Variants in NDC1 observed in about 807,000 individuals in gnomAD.
NDC1 encodes the protein NDC1 transmembrane nucleoporin, also known as nucleoporin NDC1.
A neutral mutation model predicts 89.8 loss-of-function variants in NDC1; 24 were observed. The observed-to-expected ratio is 0.27, with a 90% CI of 0.19 to 0.38. NDC1 has a LOEUF of 0.38. Ranked by LOEUF, NDC1 falls within the 10% of genes least tolerant of loss-of-function variation. The probability of loss-of-function intolerance (pLI) is 1.00; values close to 1 mark genes in which losing one functional copy is unlikely to be tolerated. For missense variants in NDC1, 728 were observed against 797.6 expected, an observed-to-expected ratio of 0.91 and a Z score of 1.05; for synonymous variants, 296 against 284.8, an observed-to-expected ratio of 1.04 and a Z score of -0.39.
chr1:53,830,088 C>T (rs1057261185), intron 3 of NDC1, among the ~76,000 whole-genome samples: 2 of 151,504 alleles, frequency 1.3e-5, no homozygotes, highest in African/African-American at 4.9e-5. Flanking sequence ...GAGGCAGAGG[C>T]GTCAGCGAGC....
Position 53,772,417 on chromosome 1 carries a change from T to G in NDC1, c.1873A>C (p.Thr625Pro), listed in dbSNP as rs1331832371. The stretch of plus-strand genomic sequence containing the variant: ...GCAAATCTTAATGTTTTATATGAAG[T>G]GTCCACAAGGCTTCCTGAAATCCGG... ...PPRISGSLVD[T>P]SYKTLRFAFR... is the part of the protein sequence containing the mutation. Residue 625 changes from threonine (T) to proline (P), a missense_variant, in exon 17 of 18, where the codon ACT (threonine) becomes CCT (proline). Transcript: ENST00000371429. The G allele has an allele frequency of 6.2e-7, 1 of 1,613,804 alleles. No individual in the cohort carries two copies.
chr1:53,776,015 C>T, intron 16 of NDC1, among the ~76,000 whole-genome samples: 1 of 148,564 alleles, frequency 6.7e-6, no homozygotes, highest in Non-Finnish European at 1.5e-5. Flanking sequence ...AGTGCAGTGG[C>T]ACGATCTCAG....
chr1:53,785,494 G>A (rs2100635556), intron 16 of NDC1, among the ~76,000 whole-genome samples: 1 of 152,306 alleles, frequency 6.6e-6, no homozygotes, highest in South Asian at 2.1e-4. Flanking sequence ...AGAATCACTG[G>A]CTTTGATGGG....
At chr1:53,835,769 C>A in intron 1 of NDC1, 149 bp from the exon 2 acceptor site, 2 of 641,550 alleles carry the variant, frequency 3.1e-6, no homozygotes, top group East Asian at 2.8e-5. Flanking sequence ...CATTACGTAC[C>A]ACTAAAGAAT....
Position 53,787,174 on chromosome 1 carries a change from A to G in NDC1, c.1784T>C (p.Leu595Ser), listed in dbSNP as rs142123604. 8.7e-6 allele frequency: 14 copies of G among 1,603,726 alleles called. No individual in the cohort carries two copies. The African/African-American group carries it at 1.3e-4, about 15-fold the overall frequency. ...QTTLPAILNT[L>S]LTLQEAVDKY... ...ATTTCTTACCTCTTGCAGTGTCAACAAAGTATTAAGGATAGCTGGTAGTGT... is the reference window on the plus strand; with the variant it reads ...ATTTCTTACCTCTTGCAGTGTCAACGAAGTATTAAGGATAGCTGGTAGTGT... The change falls in exon 16 of 18, where the codon TTG becomes TCG. Residue 595 changes from leucine to serine, a missense_variant. Transcript: ENST00000371429.
intron 6 of NDC1, among the ~76,000 whole-genome samples, chr1:53,814,003 T>G (rs1648396593): frequency 6.6e-6 from 1 of 152,162 alleles, no homozygotes; most frequent in Non-Finnish European, 1.5e-5. Context: ...TACATGGCAA[T>G]TAAATAATCT....
At chr1:53,835,427 C>A in intron 2 of NDC1, 73 bp downstream of exon 2, 1 of 1,322,200 alleles carries the variant, frequency 7.6e-7, no homozygotes, top group Admixed American at 2.3e-5. Flanking sequence ...AAATAAACTG[C>A]TTGAAACATA....
chr1:53,802,700 C>A (rs1647963072), intron 10 of NDC1, among the ~76,000 whole-genome samples: 1 of 152,122 alleles, frequency 6.6e-6, no homozygotes, highest in Non-Finnish European at 1.5e-5. Context: ...AGAAAGGCTA[C>A]CCAGGTTCTC....
chr1:53,788,178 A>G (rs574301571), intron 15 of NDC1, among the ~76,000 whole-genome samples: 2 of 152,046 alleles, frequency 1.3e-5, no homozygotes, highest in Admixed American at 1.3e-4. Context: ...CCTGTAGTCC[A>G]AACTACTCAG....
At chr1:53,827,866 C>T in intron 4 of NDC1, 133 bp downstream of exon 4, 1 of 586,000 alleles carries the variant, frequency 1.7e-6, no homozygotes, top group Non-Finnish European at 2.7e-6. Context: ...ATATTAAAAA[C>T]ACTTGATATA....
At chr1:53,810,424 CAAA>C (rs112086501) in intron 6 of NDC1, among the ~76,000 whole-genome samples, 1 of 107,840 alleles carries the variant, frequency 9.3e-6, no homozygotes. Context: ...AAGAAACTGG[CAAA>C]AAAAAAAAAA....
chr1:53,794,469 T>C (rs1239105723), intron 13 of NDC1, among the ~76,000 whole-genome samples: 1 of 152,152 alleles, frequency 6.6e-6, no homozygotes, highest in Non-Finnish European at 1.5e-5. Flanking sequence ...ACTAATGGCA[T>C]ATAGAGCCGT....
In NDC1 at chr1:53,796,946, CTT is replaced by C. The variant is rs749371735; in HGVS notation, c.1419_1420del (p.Pro475SerfsTer15). ...TGGCCCCCTTCTTATTAGCTGAGGA[CTT>C]TGCGGTGACCCATAGCAGGTGTTTA... On this transcript the variant is annotated frameshift_variant, in exon 12 of 18. Transcript: ENST00000371429. LOFTEE classifies it high-confidence loss of function. The C allele has an allele frequency of 6.2e-7, 1 of 1,614,202 alleles. No homozygotes were observed. Among genetic ancestry groups the C allele is most frequent in the Non-Finnish European group, 8.5e-7 (1 of 1,180,034 alleles).
At chr1:53,793,178 T>C (rs1647578797) in intron 14 of NDC1, 51 bp downstream of exon 14, 1 of 1,414,358 alleles carries the variant, frequency 7.1e-7, no homozygotes, top group African/African-American at 1.4e-5. Flanking sequence ...CTTTATTTCA[T>C]ATTTCATTTC....
intron 16 of NDC1, among the ~76,000 whole-genome samples, chr1:53,778,414 T>C (rs1211910782): frequency 6.6e-6 from 1 of 152,186 alleles, no homozygotes; most frequent in Non-Finnish European, 1.5e-5. Context: ...TCCTTTACTA[T>C]AGTCATAAAA....
At chr1:53,783,744 G>C (rs974911704) in intron 16 of NDC1, among the ~76,000 whole-genome samples, 1 of 152,154 alleles carries the variant, frequency 6.6e-6, no homozygotes, top group African/African-American at 2.4e-5. Flanking sequence ...GCTCTCTCTT[G>C]TTCAGGTGAT....
intron 5 of NDC1, among the ~76,000 whole-genome samples, chr1:53,821,612 G>A (rs908959193): frequency 6.6e-6 from 1 of 152,038 alleles, no homozygotes; most frequent in African/African-American, 2.4e-5. Flanking sequence ...CAATAAAAAC[G>A]CCATAGTTCC....
chr1:53,778,432 T>C (rs1380291079), intron 16 of NDC1, among the ~76,000 whole-genome samples: 1 of 152,160 alleles, frequency 6.6e-6, no homozygotes, highest in African/African-American at 2.4e-5. Context: ...AAATTTCCTT[T>C]ACAGTAGTCA....
chr1:53,798,306 A>C (rs935117994), intron 11 of NDC1, among the ~76,000 whole-genome samples: 8 of 150,708 alleles, frequency 5.3e-5, no homozygotes, highest in African/African-American at 1.9e-4. Context: ...AGTAGCTAGG[A>C]TAACAGGCAT....
Sources: allele counts gnomAD v4.1 joint callset (sites outside exome capture counted in the v4.1 genomes callset), GRCh38; gene constraint gnomAD v4.1.1; transcripts MANE v1.5; gene names NCBI Gene and HGNC (gene_info 2026-07-23, HGNC 2026-07-21).